The following LURAP1L variants were observed in gnomAD, a reference collection of about 807,000 sequenced individuals.
LURAP1L encodes leucine rich adaptor protein 1 like, also known as leucine rich adaptor protein 1-like.
LURAP1L carries 12 observed loss-of-function variants against 13.8 expected under a neutral mutation model. The ratio of observed to expected loss-of-function variants is 0.87; its 90% confidence interval spans 0.56 to 1.41. The LOEUF is 1.41. LURAP1L is among the 40% of genes most tolerant of loss of function. The pLI is 0.00. For missense variants in LURAP1L, 375 were observed against 292.9 expected, an observed-to-expected ratio of 1.28 and a Z score of -2.04; for synonymous variants, 139 against 119.2, an observed-to-expected ratio of 1.17 and a Z score of -1.08.
At chr9:12,777,925 G>C (rs1819214481) in intron 1 of LURAP1L, among the ~76,000 whole-genome samples, 1 of 151,974 alleles carries the variant, frequency 6.6e-6, no homozygotes, top group Admixed American at 6.6e-5. Context: ...TTTATAGGTT[G>C]GTGGAAAAGT....
intron 1 of LURAP1L, among the ~76,000 whole-genome samples, chr9:12,812,564 G>T (rs1377465839): frequency 1.3e-5 from 2 of 152,156 alleles, no homozygotes; most frequent in African/African-American, 4.8e-5. Context: ...CACATAGCGT[G>T]TAGGAAATAG....
chr9:12,787,530 T>C (rs1215408195), intron 1 of LURAP1L, among the ~76,000 whole-genome samples: 2 of 152,222 alleles, frequency 1.3e-5, no homozygotes, highest in East Asian at 1.9e-4. Flanking sequence ...GACCATAGCA[T>C]AGAAAGAAAC....
In LURAP1L at chr9:12,807,094, A is replaced by AATATAT. The variant is rs71329889; in HGVS notation, c.313-14273_313-14268dup. 3.2e-3 allele frequency among the ~76,000 whole-genome samples: 367 copies of AATATAT among 116,162 alleles called. 12 individuals carry two copies. The highest frequency in any genetic ancestry group is 0.015 in the East Asian group (52 of 3,384). The allele number at this position is 116,162 out of a possible 152,430, so 76.2% of individuals were successfully genotyped here. On this transcript the variant is annotated intron_variant, in intron 1 of 1. Transcript: ENST00000319264. ...CACGGCGAAGCCCTGTCTCTACTAA[A>AATATAT]ATATATATATATATATATATATATT...
chr9:12,800,326 T>C (rs1309632912), intron 1 of LURAP1L, among the ~76,000 whole-genome samples: 1 of 152,122 alleles, frequency 6.6e-6, no homozygotes, highest in African/African-American at 2.4e-5. Flanking sequence ...GATTAGAAAA[T>C]TGGTATAGAG....
intron 1 of LURAP1L, 152 bp from the exon 2 acceptor site, chr9:12,821,234 G>A: frequency 1.2e-6 from 1 of 864,980 alleles, no homozygotes; most frequent in Non-Finnish European, 1.8e-6. Flanking sequence ...CCATCAGTCA[G>A]CAATTATCAA....
intron 1 of LURAP1L, among the ~76,000 whole-genome samples, chr9:12,804,846 T>C (rs940230167): frequency 6.6e-6 from 1 of 152,126 alleles, no homozygotes; most frequent in Non-Finnish European, 1.5e-5. Flanking sequence ...CTTTTTTTCT[T>C]TTTTCATACT....
chr9:12,776,101 C>T (rs1819178021), intron 1 of LURAP1L, 74 bp downstream of exon 1: 1 of 1,454,078 alleles, frequency 6.9e-7, no homozygotes. Context: ...GAGAATGGGG[C>T]TGGGAGAGAG....
Position 12,820,718 on chromosome 9 carries a change from G to C in LURAP1L, c.313-668G>C, listed in dbSNP as rs546552142. 1.1e-4 allele frequency among the ~76,000 whole-genome samples: 17 copies of C among 152,190 alleles called. No individual in the cohort carries two copies. The South Asian group carries it at 3.5e-3, about 32-fold the overall frequency. ...TCCTTTGGATTCAGGGAATATTAGA[G>C]CAATTTGGTTCTTAAAAGCAAAAGC... On this transcript the variant is annotated intron_variant, in intron 1 of 1. Coordinates refer to ENST00000319264, the MANE Select transcript of LURAP1L (RefSeq NM_203403.2).
chr9:12,804,470 G>A (rs945480934), intron 1 of LURAP1L, among the ~76,000 whole-genome samples: 2 of 151,436 alleles, frequency 1.3e-5, no homozygotes, highest in Admixed American at 6.6e-5. Flanking sequence ...AGGCTTCCCA[G>A]TAGGTGGGAT....
chr9:12,783,874 C>A (rs887301939), intron 1 of LURAP1L, among the ~76,000 whole-genome samples: 1 of 110,594 alleles, frequency 9.0e-6, no homozygotes. Flanking sequence ...CTTTTTTATT[C>A]TTTTATTTTG....
intron 1 of LURAP1L, among the ~76,000 whole-genome samples, chr9:12,804,067 G>T (rs1032862846): frequency 3.9e-5 from 6 of 152,054 alleles, no homozygotes; most frequent in Non-Finnish European, 7.4e-5. Flanking sequence ...AATCATATTT[G>T]CATTAAATTA....
intron 1 of LURAP1L, among the ~76,000 whole-genome samples, chr9:12,788,495 C>T (rs865961339): frequency 4.0e-5 from 6 of 151,898 alleles, no homozygotes; most frequent in East Asian, 1.9e-4. Flanking sequence ...AATAATAAAT[C>T]GGTACAAAAA....
chr9:12,803,947 A>G (rs1444482793), intron 1 of LURAP1L, among the ~76,000 whole-genome samples: 1 of 152,236 alleles, frequency 6.6e-6, no homozygotes, highest in Non-Finnish European at 1.5e-5. Flanking sequence ...TACTTGGTAT[A>G]TGCTGAATTG....
chr9:12,799,183 A>G (rs1819550890), intron 1 of LURAP1L, among the ~76,000 whole-genome samples: 1 of 152,190 alleles, frequency 6.6e-6, no homozygotes, highest in Admixed American at 6.5e-5. Context: ...TGGCCAAGTC[A>G]TCAAGCTTGT....
intron 1 of LURAP1L, among the ~76,000 whole-genome samples, chr9:12,791,256 G>A: frequency 6.6e-6 from 1 of 152,088 alleles, no homozygotes; most frequent in South Asian, 2.1e-4. Context: ...TTCTCTTTGT[G>A]ATTTGAAAAC....
chr9:12,781,546 G>A (rs368803234), intron 1 of LURAP1L, among the ~76,000 whole-genome samples: 7 of 152,180 alleles, frequency 4.6e-5, no homozygotes, highest in African/African-American at 1.7e-4. Flanking sequence ...CACTTGTCAC[G>A]AAATCCTCCA....
chr9:12,775,464 A>T lies in LURAP1L; in HGVS notation c.-252A>T. ...GAGGTGGCCAAAAAGAGAGAGAATG[A>T]GGAGATCTTGATCATCTTAGTGTCG... On this transcript the variant is annotated 5_prime_UTR_variant, in exon 1 of 2. Transcript: ENST00000319264. 2.2e-6 allele frequency: 1 copy of T among 454,422 alleles called. No homozygotes were observed. Among genetic ancestry groups the T allele is most frequent in the Non-Finnish European group, 3.8e-6 (1 of 265,748 alleles). The allele number at this position is 454,422 out of a possible 1,614,324, so 28.1% of individuals were successfully genotyped here.
chr9:12,788,192 A>AAAGAAAGAAAG (rs1554657446), intron 1 of LURAP1L, among the ~76,000 whole-genome samples: 1,539 of 103,270 alleles, frequency 0.015, 11 homozygotes, highest in African/African-American at 0.021. Flanking sequence ...AGAAAGAAAG[A>AAAGAAAGAAAG]AAAGAAAAGA....
At chr9:12,817,686 A>G (rs1229383215) in intron 1 of LURAP1L, among the ~76,000 whole-genome samples, 3 of 152,224 alleles carry the variant, frequency 2.0e-5, no homozygotes, top group Non-Finnish European at 2.9e-5. Context: ...ACACAGTTTC[A>G]TGCTGCAAGG....
Sources: allele counts gnomAD v4.1 joint callset (sites outside exome capture counted in the v4.1 genomes callset), GRCh38; gene constraint gnomAD v4.1.1; transcripts MANE v1.5; gene names NCBI Gene and HGNC (gene_info 2026-07-23, HGNC 2026-07-21).